The following NBEA variants were observed in gnomAD, a reference collection of about 807,000 sequenced individuals.
NBEA encodes the protein neurobeachin.
Under a neutral mutation model 343.4 loss-of-function variants are expected in NBEA, and 44 were observed. The ratio of observed to expected loss-of-function variants is 0.13; its 90% confidence interval spans 0.10 to 0.16. The LOEUF (loss-of-function observed/expected upper bound fraction) is 0.16. Ranked by LOEUF, NBEA falls within the 10% of genes least tolerant of loss-of-function variation. The probability of loss-of-function intolerance (pLI) is 1.00; values close to 1 mark genes in which losing one functional copy is unlikely to be tolerated. For synonymous variants in NBEA, 1,175 were observed against 1,238.7 expected (o/e 0.95, Z 1.08); for missense variants, 2,555 against 3,631.3 (o/e 0.70, Z 7.62).
chr13:35,357,061 G>A (rs1243187299), intron 38 of NBEA, among the ~76,000 whole-genome samples: 3 of 152,048 alleles, frequency 2.0e-5, no homozygotes, highest in Non-Finnish European at 4.4e-5. Flanking sequence ...TGTACCCAGT[G>A]CATAGAACTC....
At chr13:35,558,301 A>G (rs911530464) in intron 44 of NBEA, among the ~76,000 whole-genome samples, 65 of 152,142 alleles carry the variant, frequency 4.3e-4, no homozygotes, top group African/African-American at 1.4e-3. Context: ...ATGTATAAAA[A>G]AGTATTATAA....
At chr13:35,088,075 A>G (rs1199692969) in intron 10 of NBEA, among the ~76,000 whole-genome samples, 1 of 151,908 alleles carries the variant, frequency 6.6e-6, no homozygotes, top group African/African-American at 2.4e-5. Context: ...GGTATCACCT[A>G]CCATAGTTAG....
intron 51 of NBEA, among the ~76,000 whole-genome samples, chr13:35,648,953 C>G (rs1020177930): frequency 6.6e-6 from 1 of 152,072 alleles, no homozygotes; most frequent in Non-Finnish European, 1.5e-5. Context: ...GTGCAGCAAA[C>G]CACCATGGCA....
At chr13:35,336,879 G>T (rs779985181) in intron 36 of NBEA, among the ~76,000 whole-genome samples, 1 of 152,022 alleles carries the variant, frequency 6.6e-6, no homozygotes, top group Non-Finnish European at 1.5e-5. Flanking sequence ...GGTAGAAGGT[G>T]GGATAAAGGA....
At chr13:35,377,345 G>T (rs1033871094) in intron 38 of NBEA, among the ~76,000 whole-genome samples, 1 of 152,176 alleles carries the variant, frequency 6.6e-6, no homozygotes, top group Non-Finnish European at 1.5e-5. Context: ...ACAGTTCCCT[G>T]CCAATGAAGG....
intron 1 of NBEA, among the ~76,000 whole-genome samples, chr13:34,980,760 A>G (rs1287889277): frequency 5.9e-5 from 9 of 152,174 alleles, no homozygotes; most frequent in South Asian, 2.1e-4. Context: ...GTTTGTAGAT[A>G]CTATTTATCT....
At position 35,503,524 on chromosome 13, in the gene NBEA, C is replaced by T. The variant is rs545314335; in HGVS notation, c.6585+30988C>T. On this transcript the variant is annotated intron_variant, in intron 41 of 58. Coordinates refer to ENST00000379939, the MANE Select transcript of NBEA (RefSeq NM_001385012.1). ...ACCATATATTAATAATAACTAATCA[C>T]CTACAGGTAAACATTTTTTGATATT... 3.3e-5 allele frequency among the ~76,000 whole-genome samples: 5 copies of T among 151,896 alleles called. No individual in the cohort carries two copies. The South Asian group carries it at 1.0e-3, about 32-fold the overall frequency.
At chr13:35,319,585 G>C (rs543804520) in intron 36 of NBEA, among the ~76,000 whole-genome samples, 80 of 152,120 alleles carry the variant, frequency 5.3e-4, no homozygotes, top group Non-Finnish European at 8.5e-4. Context: ...TTGGGTTGGA[G>C]AGTTCTGTAG....
chr13:35,445,046 T>C (rs2045921513), intron 39 of NBEA, among the ~76,000 whole-genome samples: 1 of 152,132 alleles, frequency 6.6e-6, no homozygotes, highest in African/African-American at 2.4e-5. Flanking sequence ...CGAACACTGT[T>C]ATAACAGCAT....
intron 31 of NBEA, among the ~76,000 whole-genome samples, chr13:35,203,487 A>G (rs1218288896): frequency 2.0e-5 from 3 of 152,154 alleles, no homozygotes; most frequent in Admixed American, 6.6e-5. Context: ...AACATCTGAT[A>G]TACTATATTT....
intron 30 of NBEA, among the ~76,000 whole-genome samples, chr13:35,190,644 G>A (rs2152737883): frequency 6.6e-6 from 1 of 152,216 alleles, no homozygotes; most frequent in Admixed American, 6.6e-5. Context: ...AACAGAACAA[G>A]AACAAACTGT....
intron 38 of NBEA, among the ~76,000 whole-genome samples, chr13:35,375,319 G>A (rs1025445602): frequency 1.3e-5 from 2 of 152,050 alleles, no homozygotes; most frequent in Non-Finnish European, 1.5e-5. Context: ...TAGCCACGCC[G>A]TCTCAACGTA....
intron 38 of NBEA, among the ~76,000 whole-genome samples, chr13:35,393,604 A>G (rs2042607061): frequency 6.6e-6 from 1 of 152,122 alleles, no homozygotes. Context: ...TCAAACATTT[A>G]TGGAAAATTC....
intron 48 of NBEA, among the ~76,000 whole-genome samples, chr13:35,618,706 G>A (rs2082847042): frequency 6.6e-6 from 1 of 152,188 alleles, no homozygotes; most frequent in Non-Finnish European, 1.5e-5. Context: ...CATTAATAAA[G>A]CATTGTGTTT....
chr13:35,661,986 C>T (rs1184300240), intron 55 of NBEA, among the ~76,000 whole-genome samples: 1 of 152,126 alleles, frequency 6.6e-6, no homozygotes, highest in African/African-American at 2.4e-5. Context: ...GCTTCCCCTG[C>T]ATATCAGTGT....
At chr13:34,956,766 A>G (rs1343649040) in intron 1 of NBEA, among the ~76,000 whole-genome samples, 1 of 152,292 alleles carries the variant, frequency 6.6e-6, no homozygotes, top group African/African-American at 2.4e-5. Flanking sequence ...GGTGGCATTA[A>G]GTGATTTCAC....
rs535934918 is a variant in NBEA at position 35,429,411 on chromosome 13, T to TG, written c.6180-2857dup. Among the ~76,000 whole-genome samples the TG allele has an allele frequency of 2.6e-4, 39 of 152,178 alleles. No homozygotes were observed. In the South Asian group the frequency reaches 5.6e-3, roughly 22 times the overall value. ...AAAGTTTTCTATCTTGCTAAACTGC[T>TG]GTTTTTTTTTGATCTTTTGACTAGA... On this transcript the variant is annotated intron_variant, in intron 38 of 58. Transcript: ENST00000379939.
rs36193358 is a variant in NBEA, at chr13:35,248,561, C to T, written c.5776+15942C>T. Among the ~76,000 whole-genome samples, 968 of 152,138 alleles carry T rather than the reference C, an allele frequency of 6.4e-3. 10 individuals are homozygous for T. The highest frequency in any genetic ancestry group is 0.022 in the African/African-American group (923 of 41,524). On this transcript the variant is annotated intron_variant, in intron 34 of 58. Transcript: ENST00000379939. ...CTGGCATAAAGACATAGTAGACCAA[C>T]GGAATAGAATCTCTAGCCAAAAACA... is the stretch of plus-strand genomic sequence containing the variant.
chr13:35,206,058 G>A (rs80274080), intron 31 of NBEA, among the ~76,000 whole-genome samples: 23,627 of 151,926 alleles, frequency 0.16, 2,425 homozygotes, highest in Admixed American at 0.25. Context: ...AATATCTGGA[G>A]GCTTTCACAT....
Sources: gnomAD v4.1 joint callset for allele counts (sites outside exome capture counted in the v4.1 genomes callset) on GRCh38, gnomAD v4.1.1 for gene constraint, MANE v1.5 for transcripts, NCBI Gene and HGNC (gene_info 2026-07-23, HGNC 2026-07-21) for gene names.